The following GRB14 variants were observed in gnomAD, a reference collection of about 807,000 sequenced individuals.
GRB14 encodes growth factor receptor bound protein 14.
In GRB14, 38 loss-of-function variants were observed where a neutral mutation model predicts 69.1. The observed-to-expected ratio is 0.55, with a 90% CI of 0.42 to 0.72. The LOEUF is 0.72. GRB14 is among the 30% of genes least tolerant of loss of function. The pLI is 0.00. For missense variants in GRB14, 666 were observed against 666.1 expected (o/e 1.00, Z 0.00); for synonymous variants, 247 against 241.3 (o/e 1.02, Z -0.22).
intron 2 of GRB14, among the ~76,000 whole-genome samples, chr2:164,598,221 G>T (rs1332291031): frequency 6.6e-6 from 1 of 152,180 alleles, no homozygotes; most frequent in Non-Finnish European, 1.5e-5. Context: ...TAGATAACAA[G>T]TTGGCATTCA....
intron 2 of GRB14, among the ~76,000 whole-genome samples, chr2:164,565,546 T>C (rs1376087989): frequency 6.6e-6 from 1 of 152,206 alleles, no homozygotes; most frequent in Non-Finnish European, 1.5e-5. Flanking sequence ...ACTGACCTTC[T>C]GGGTGACCTT....
intron 12 of GRB14, 139 bp from the exon 13 acceptor site, chr2:164,494,663 C>G: frequency 1.5e-6 from 1 of 675,692 alleles, no homozygotes; most frequent in Non-Finnish European, 2.7e-6. Context: ...GTGGGATTAT[C>G]CAACTTGGCA....
chr2:164,548,520 G>T lies in GRB14; in HGVS notation c.325-704C>A, dbSNP rs184247863. 4.7e-3 allele frequency among the ~76,000 whole-genome samples: 722 copies of T among 152,212 alleles called. 5 individuals are homozygous for T. The highest frequency in any genetic ancestry group is 0.017 in the African/African-American group (687 of 41,534). ...TGTAAATAATGCTGCAATGAACATGGGAGTGCAGGCATCTCTGTGACATGC... is the reference window on the plus strand; with the variant it reads ...TGTAAATAATGCTGCAATGAACATGTGAGTGCAGGCATCTCTGTGACATGC... On this transcript the variant is annotated intron_variant, in intron 2 of 13. Transcript: ENST00000263915.
chr2:164,616,886 T>A (rs758645692), intron 2 of GRB14, among the ~76,000 whole-genome samples: 1 of 152,186 alleles, frequency 6.6e-6, no homozygotes, highest in African/African-American at 2.4e-5. Context: ...CAGTAGAACA[T>A]ATCGCATAGT....
At chr2:164,546,900 T>C (rs1229740089) in intron 3 of GRB14, among the ~76,000 whole-genome samples, 6 of 152,152 alleles carry the variant, frequency 3.9e-5, no homozygotes. Flanking sequence ...ACAGGTCCCC[T>C]GGCCATGGGT....
chr2:164,620,428 T>C (rs1690427948), intron 1 of GRB14, among the ~76,000 whole-genome samples: 1 of 152,172 alleles, frequency 6.6e-6, no homozygotes, highest in Non-Finnish European at 1.5e-5. Context: ...TTTGAGGCGG[T>C]AAGTTAATAG....
At chr2:164,533,224 CTTTTTTTTT>C (rs537913705) in intron 3 of GRB14, among the ~76,000 whole-genome samples, 18 of 80,348 alleles carry the variant, frequency 2.2e-4, no homozygotes, top group African/African-American at 8.5e-4. Context: ...GTTTCCAATT[CTTTTTTTTT>C]TTTTTTTTTT....
rs370051116 is a variant in GRB14, at chr2:164,601,471, G to A, written c.324+18216C>T. On this transcript the variant is annotated intron_variant, in intron 2 of 13. Transcript: ENST00000263915. ...AAAGCACAGAGAAGGTATTTTGAAC[G>A]TAGTTTCTAAATAGAATTCTACCTG... 4.6e-5 allele frequency among the ~76,000 whole-genome samples: 7 copies of A among 152,160 alleles called. No homozygotes were observed. The South Asian group carries it at 6.2e-4, about 14-fold the overall frequency.
chr2:164,526,488 C>T (rs1278038675), intron 4 of GRB14, among the ~76,000 whole-genome samples: 1 of 151,650 alleles, frequency 6.6e-6, no homozygotes, highest in African/African-American at 2.4e-5. Context: ...ATTACTGCAC[C>T]GAAAACAAAA....
intron 2 of GRB14, among the ~76,000 whole-genome samples, chr2:164,558,518 T>C (rs1688739510): frequency 1.3e-5 from 2 of 152,158 alleles, no homozygotes; most frequent in Admixed American, 1.3e-4. Flanking sequence ...TTTCCGATGA[T>C]TTCATCAAAG....
chr2:164,536,942 C>G (rs1478413274), intron 3 of GRB14, among the ~76,000 whole-genome samples: 3 of 152,180 alleles, frequency 2.0e-5, no homozygotes, highest in African/African-American at 7.2e-5. Flanking sequence ...CCTCCTGCAG[C>G]TCTCTGCTGT....
chr2:164,538,747 T>C (rs1424187705), intron 3 of GRB14, among the ~76,000 whole-genome samples: 1 of 152,216 alleles, frequency 6.6e-6, no homozygotes, highest in African/African-American at 2.4e-5. Context: ...GTTCCAAACA[T>C]AGTATTATTA....
Position 164,618,453 on chromosome 2 carries a change from T to C in GRB14, c.324+1234A>G, listed in dbSNP as rs113911280. Among the ~76,000 whole-genome samples the C allele has an allele frequency of 4.6e-3, 694 of 152,240 alleles. 3 individuals carry two copies. The highest frequency in any genetic ancestry group is 0.015 in the African/African-American group (641 of 41,532). On this transcript the variant is annotated intron_variant, in intron 2 of 13. Coordinates refer to ENST00000263915, the MANE Select transcript of GRB14 (RefSeq NM_004490.3). ...ATAAAGGTCTCAAGAGAGTCTCCTC[T>C]TTGTCTCCCCAAACAAAGTTACAGT... is the stretch of plus-strand genomic sequence containing the variant.
chr2:164,584,147 ATTTTTTTTTTTTTTTTT>A (rs55883951), intron 2 of GRB14, among the ~76,000 whole-genome samples: 3 of 49,900 alleles, frequency 6.0e-5, no homozygotes, highest in East Asian at 1.3e-3. Context: ...CAGCCTGGCT[ATTTTTTTTTTTTTTTTT>A]TTTTTTTTTT....
intron 2 of GRB14, among the ~76,000 whole-genome samples, chr2:164,560,722 A>G (rs891099938): frequency 6.6e-6 from 1 of 152,116 alleles, no homozygotes; most frequent in African/African-American, 2.4e-5. Flanking sequence ...AAACTACCCA[A>G]GATAATTTCA....
Position 164,619,564 on chromosome 2 carries a change from CAGAGTTATT to C in GRB14, c.324+114_324+122del, listed in dbSNP as rs1253467289. 4.7e-6 allele frequency: 3 copies of C among 637,468 alleles called. No individual in the cohort carries two copies. The East Asian group carries it at 8.5e-5, about 18-fold the overall frequency. The allele number at this position is 637,468 out of a possible 1,614,324, so 39.5% of individuals were successfully genotyped here. On this transcript the variant is annotated intron_variant, in intron 2 of 13. Transcript: ENST00000263915. ...AATGCCAAAGGACCATGTCAGTCAA[CAGAGTTATT>C]TAACAGAGCCCATGCTAATCCTTTG...
At chr2:164,574,241 C>CTTT (rs769386864) in intron 2 of GRB14, among the ~76,000 whole-genome samples, 1 of 137,078 alleles carries the variant, frequency 7.3e-6, no homozygotes, top group Non-Finnish European at 1.6e-5. Context: ...GAAAAATTAT[C>CTTT]TTTTTTTTTT....
chr2:164,577,349 T>A (rs936844566), intron 2 of GRB14, among the ~76,000 whole-genome samples: 2 of 152,190 alleles, frequency 1.3e-5, no homozygotes, highest in Non-Finnish European at 2.9e-5. Flanking sequence ...CCAATTCTCA[T>A]GTTGAATTGT....
intron 2 of GRB14, among the ~76,000 whole-genome samples, chr2:164,557,134 T>C (rs1220583482): frequency 6.6e-6 from 1 of 152,204 alleles, no homozygotes; most frequent in Admixed American, 6.5e-5. Context: ...AGAAAACACC[T>C]GTGTGGGACA....
Sources: allele counts gnomAD v4.1 joint callset (sites outside exome capture counted in the v4.1 genomes callset), GRCh38; gene constraint gnomAD v4.1.1; transcripts MANE v1.5; gene names NCBI Gene and HGNC (gene_info 2026-07-23, HGNC 2026-07-21).